The following HOTAIR variants were observed in gnomAD, a reference collection of about 807,000 sequenced individuals.
HOTAIR encodes HOX transcript antisense RNA.
intron 5 of HOTAIR, among the ~76,000 whole-genome samples, chr12:53,965,537 C>A (rs1400370695): frequency 2.0e-5 from 3 of 152,180 alleles, no homozygotes; most frequent in African/African-American, 7.2e-5. Context: ...GGTAGGGATG[C>A]AGGAAGGACT....
chr12:53,974,688 G>T (rs936992618), intron 1 of HOTAIR, among the ~76,000 whole-genome samples: 2 of 151,766 alleles, frequency 1.3e-5, no homozygotes, highest in African/African-American at 2.4e-5. Flanking sequence ...CCCCGGAAGC[G>T]GCTCTCTGGT....
intron 1 of HOTAIR, among the ~76,000 whole-genome samples, chr12:53,970,652 C>G (rs1327927689): frequency 6.6e-6 from 1 of 152,230 alleles, no homozygotes; most frequent in Non-Finnish European, 1.5e-5. Context: ...TCCTAGACAT[C>G]AACTCTTTGA....
rs1255851421 is a variant in HOTAIR at position 53,973,678 on chromosome 12, T to C, written n.59+1220A>G. The C allele has an allele frequency of 1.2e-6, 2 of 1,613,516 alleles. No homozygotes were observed. The highest frequency in any genetic ancestry group is 1.7e-5 in the Admixed American group (1 of 60,014). On this transcript the variant is annotated intron_variant and non_coding_transcript_variant, in intron 1 of 6. Transcript: ENST00000424518. The surrounding 1 kb of genome is among the most constrained non-coding windows in gnomAD (Gnocchi z 4.3). The stretch of plus-strand genomic sequence containing the variant: ...TACTCCTCAGTCAACAAGAACAGCG[T>C]CCTGCCTCAAGCCTTCGACCGTTTC...
At chr12:53,968,920 T>G (rs1939105083) in intron 1 of HOTAIR, 1 of 152,294 alleles carries the variant, frequency 6.6e-6, no homozygotes, top group Non-Finnish European at 1.5e-5. Flanking sequence ...ATTAGCTGTT[T>G]GTTCCCTTTT....
In HOTAIR at chr12:53,973,605, G is replaced by T. The variant is rs372700015; in HGVS notation, n.59+1293C>A. The T allele has an allele frequency of 5.0e-6, 8 of 1,613,066 alleles. No homozygotes were observed. The highest frequency in any genetic ancestry group is 1.1e-5 in the South Asian group (1 of 91,024). ...CCTCATGAAAAACGAAGGCTCCTAC[G>T]GCGGCCACCACCACCCCAGCGCCCC... On this transcript the variant is annotated intron_variant and non_coding_transcript_variant, in intron 1 of 6. Transcript: ENST00000424518. The surrounding 1 kb of genome is among the most constrained non-coding windows in gnomAD (Gnocchi z 4.3).
chr12:53,968,682 T>A lies in HOTAIR; in HGVS notation n.134A>T, dbSNP rs1939097007. On this transcript the variant is annotated non_coding_transcript_exon_variant, in exon 2 of 7. Transcript: ENST00000424518. ...CTCCAGAGCACAGGCGAGTCAGAGT[T>A]CCCCACTGCCTGCCTAGGCTTCCAG... 1.3e-5 allele frequency: 2 copies of A among 152,426 alleles called. 1 individual carries two copies. Among genetic ancestry groups the A allele is most frequent in the South Asian group, 4.1e-4 (2 of 4,828 alleles). 9.4% of individuals were successfully genotyped at this position (152,426 alleles called of 1,614,324 possible).
intron 1 of HOTAIR, among the ~76,000 whole-genome samples, chr12:53,972,829 GA>G (rs1358269340): frequency 6.6e-6 from 1 of 151,870 alleles, no homozygotes; most frequent in Non-Finnish European, 1.5e-5. Flanking sequence ...AATCCTGGGG[GA>G]AAAAAGAGCA....
chr12:53,971,310 C>G (rs1340761315), intron 1 of HOTAIR, among the ~76,000 whole-genome samples: 2 of 152,146 alleles, frequency 1.3e-5, no homozygotes, highest in Non-Finnish European at 2.9e-5. Context: ...TAGAGGGGCA[C>G]CTGAGACCTA....
intron 1 of HOTAIR, chr12:53,968,956 G>A (rs118028229): frequency 0.017 from 2,625 of 152,172 alleles, 40 homozygotes; most frequent in Non-Finnish European, 0.022. Context: ...GCATCTGATC[G>A]CTAATAAAGA....
rs1260559327 is a variant in HOTAIR at position 53,968,958 on chromosome 12, T to C, written n.60-202A>G. 2.0e-5 allele frequency: 3 copies of C among 152,282 alleles called. No individual in the cohort carries two copies. The East Asian group carries it at 5.8e-4, about 29-fold the overall frequency. The allele number at this position is 152,282 out of a possible 1,614,324, so 9.4% of individuals were successfully genotyped here. On this transcript the variant is annotated intron_variant and non_coding_transcript_variant, in intron 1 of 6. Transcript: ENST00000424518. ...ATTTTCGACCCAGGCATCTGATCGCTAATAAAGAGTTGCTGAAGTTGATCT... is the reference window on the plus strand; with the variant it reads ...ATTTTCGACCCAGGCATCTGATCGCCAATAAAGAGTTGCTGAAGTTGATCT...
Position 53,973,773 on chromosome 12 carries a change from A to T in HOTAIR, n.59+1125T>A. 1 of 1,609,458 alleles carries T rather than the reference A, an allele frequency of 6.2e-7. No homozygotes were observed. The highest frequency in any genetic ancestry group is 8.5e-7 in the Non-Finnish European group (1 of 1,178,006). On this transcript the variant is annotated intron_variant and non_coding_transcript_variant, in intron 1 of 6. Coordinates refer to ENST00000424518, the Ensembl canonical transcript of HOTAIR. The surrounding 1 kb of genome is among the most constrained non-coding windows in gnomAD (Gnocchi z 4.3). Reference sequence around the variant, plus strand: ...CCCCTGCTCCGGCAAGGGCGAGGCCAAGGGGGAGCCCGAGGCACCCCCGGC... The same window carrying T: ...CCCCTGCTCCGGCAAGGGCGAGGCCTAGGGGGAGCCCGAGGCACCCCCGGC...
At chr12:53,964,655 A>T (rs1204383245) in intron 5 of HOTAIR, among the ~76,000 whole-genome samples, 2 of 152,128 alleles carry the variant, frequency 1.3e-5, no homozygotes, top group African/African-American at 4.8e-5. Flanking sequence ...GAGAGAGAGA[A>T]AGTATTTCTC....
chr12:53,963,279 G>A (rs1285618780), exon 7 of HOTAIR: 2 of 152,168 alleles, frequency 1.3e-5, no homozygotes, highest in East Asian at 3.8e-4. Context: ...ATTGGGCTGG[G>A]TCTACACAAG....
Position 53,973,935 on chromosome 12 carries a change from C to A in HOTAIR, n.59+963G>T. The A allele has an allele frequency of 7.0e-7, 1 of 1,428,618 alleles. No individual in the cohort carries two copies. The highest frequency in any genetic ancestry group is 9.2e-7 in the Non-Finnish European group (1 of 1,089,028). The allele number at this position is 1,428,618 out of a possible 1,614,324, so 88.5% of individuals were successfully genotyped here. On this transcript the variant is annotated intron_variant and non_coding_transcript_variant, in intron 1 of 6. Coordinates refer to ENST00000424518, the Ensembl canonical transcript of HOTAIR. This position sits in a 1 kb window ranked among gnomAD's most constrained non-coding sequence, Gnocchi z 4.3. ...AGGAGCCGCCCCCAGTAGGTAGCAGCGGCCGGGGAACGGGCGGGCAGCGAG... is the reference window on the plus strand; with the variant it reads ...AGGAGCCGCCCCCAGTAGGTAGCAGAGGCCGGGGAACGGGCGGGCAGCGAG...
intron 2 of HOTAIR, chr12:53,968,080 A>C (rs1939086963): frequency 6.6e-6 from 1 of 152,252 alleles, no homozygotes. Context: ...AACCTGAAAA[A>C]GCCCAGGCAG....
intron 1 of HOTAIR, among the ~76,000 whole-genome samples, chr12:53,974,601 C>T (rs1384230797): frequency 3.3e-5 from 5 of 151,948 alleles, no homozygotes; most frequent in Non-Finnish European, 7.4e-5. Flanking sequence ...GCGTTTCTCC[C>T]GGGTCCGCGG....
exon 5 of HOTAIR, chr12:53,966,013 C>G (rs1208959780): frequency 6.6e-6 from 1 of 152,190 alleles, no homozygotes; most frequent in Non-Finnish European, 1.5e-5. Context: ...TCTGCCAGGA[C>G]GCGGCCGTGG....
rs773152809 is a variant in HOTAIR at position 53,973,684 on chromosome 12, C to T, written n.59+1214G>A. ...TCAGTCAACAAGAACAGCGTCCTGC[C>T]TCAAGCCTTCGACCGTTTCTTCGAC... On this transcript the variant is annotated intron_variant and non_coding_transcript_variant, in intron 1 of 6. Coordinates refer to ENST00000424518, the Ensembl canonical transcript of HOTAIR. This position sits in a 1 kb window ranked among gnomAD's most constrained non-coding sequence, Gnocchi z 4.3. 2 of 1,613,728 alleles carry T rather than the reference C, an allele frequency of 1.2e-6. No homozygotes were observed. The highest frequency in any genetic ancestry group is 1.7e-6 in the Non-Finnish European group (2 of 1,180,038).
Position 53,973,341 on chromosome 12 carries a change from C to A in HOTAIR, n.59+1557G>T. ...AGGGAGCTGCGCCTCCAACCTCTATCTGCCCAGTTGCACTTACTACATGCC... is the reference window on the plus strand; with the variant it reads ...AGGGAGCTGCGCCTCCAACCTCTATATGCCCAGTTGCACTTACTACATGCC... On this transcript the variant is annotated intron_variant and non_coding_transcript_variant, in intron 1 of 6. Coordinates refer to ENST00000424518, the Ensembl canonical transcript of HOTAIR. The surrounding 1 kb of genome is among the most constrained non-coding windows in gnomAD (Gnocchi z 4.3). The A allele has an allele frequency of 6.2e-7, 1 of 1,614,178 alleles. No individual in the cohort carries two copies. Among genetic ancestry groups the A allele is most frequent in the Non-Finnish European group, 8.5e-7 (1 of 1,180,026 alleles).
Sources: allele counts gnomAD v4.1 joint callset (sites outside exome capture counted in the v4.1 genomes callset), GRCh38; gene constraint gnomAD v4.1.1; non-coding constraint Gnocchi (gnomAD v3.1); transcripts MANE v1.5; gene names NCBI Gene and HGNC (gene_info 2026-07-23, HGNC 2026-07-21).